Variants in ETV2 observed in about 807,000 individuals in gnomAD.
The protein encoded by ETV2 is ETS translocation variant 2.
A neutral mutation model predicts 35.7 loss-of-function variants in ETV2; 34 were observed. The ratio of observed to expected loss-of-function variants is 0.95; its 90% confidence interval spans 0.72 to 1.27. The LOEUF is 1.27. Ranked by LOEUF, ETV2 falls within the 50% of genes most tolerant of loss-of-function variation. The pLI is 0.00. For missense variants in ETV2, 512 were observed against 470.5 expected, an observed-to-expected ratio of 1.09 and a Z score of -0.82; for synonymous variants, 207 against 203.9, an observed-to-expected ratio of 1.02 and a Z score of -0.13.
chr19:35,642,402 A>C lies in ETV2; in HGVS notation c.-27-32A>C. On this transcript the variant is annotated intron_variant, in intron 1 of 6. Transcript: ENST00000402764. The surrounding 1 kb of genome is among the most constrained non-coding windows in gnomAD (Gnocchi z 4.4). ...CAGGGCCTCCAAGTGTCACCAGCTC[A>C]CCCATTGCCATCTGGACTTTTCCCG... The C allele has an allele frequency of 1.7e-6, 2 of 1,200,138 alleles. No homozygotes were observed. The highest frequency in any genetic ancestry group is 4.7e-5 in the East Asian group (2 of 42,118). 74.3% of individuals were successfully genotyped at this position (1,200,138 alleles called of 1,614,324 possible). A position where few individuals can be genotyped will look rare whatever the true frequency, so the allele number is the denominator to read the frequency against.
In ETV2 at chr19:35,642,875, G is replaced by A. The variant is rs1967640803; in HGVS notation, c.155-90G>A. ...CGGGGTGCTGAAATACGGGCTGGGG[G>A]GCCATAACTCCCAGTCCCTGACAAG... On this transcript the variant is annotated intron_variant, in intron 3 of 6. Transcript: ENST00000402764. The surrounding 1 kb of genome is among the most constrained non-coding windows in gnomAD (Gnocchi z 4.4). 1 of 996,480 alleles carries A rather than the reference G, an allele frequency of 1.0e-6. No homozygotes were observed. Among genetic ancestry groups the A allele is most frequent in the Admixed American group, 2.1e-5 (1 of 46,904 alleles). 61.7% of individuals were successfully genotyped at this position (996,480 alleles called of 1,614,324 possible).
rs1272270387 is a variant in ETV2 at position 35,644,165 on chromosome 19, C to A, written c.716-70C>A. 6 of 1,077,046 alleles carry A rather than the reference C, an allele frequency of 5.6e-6. No individual in the cohort carries two copies. The highest frequency in any genetic ancestry group is 3.1e-5 in the African/African-American group (2 of 64,052). 66.7% of individuals were successfully genotyped at this position (1,077,046 alleles called of 1,614,324 possible). A position where few individuals can be genotyped will look rare whatever the true frequency, so the allele number is the denominator to read the frequency against. ...GGGTCCCGAGTTGGGAGGACCCGGACCTCTAGATCATTGAAGTGGTGTGAT... is the reference window on the plus strand; with the variant it reads ...GGGTCCCGAGTTGGGAGGACCCGGAACTCTAGATCATTGAAGTGGTGTGAT... On this transcript the variant is annotated intron_variant, in intron 5 of 6. Transcript: ENST00000402764. The surrounding 1 kb of genome is among the most constrained non-coding windows in gnomAD (Gnocchi z 4.7).
chr19:35,644,409 C>A lies in ETV2; in HGVS notation c.828+62C>A. ...TCTCTTCTAGTTCAATTTAGCTCCGCCCAAGGGCTAGGTTCAACCGCGTAG... is the reference window on the plus strand; with the variant it reads ...TCTCTTCTAGTTCAATTTAGCTCCGACCAAGGGCTAGGTTCAACCGCGTAG... On this transcript the variant is annotated intron_variant, in intron 6 of 6. Transcript: ENST00000402764. This position sits in a 1 kb window ranked among gnomAD's most constrained non-coding sequence, Gnocchi z 4.7. 8.3e-7 allele frequency: 1 copy of A among 1,201,872 alleles called. No homozygotes were observed. The highest frequency in any genetic ancestry group is 1.2e-6 in the Non-Finnish European group (1 of 836,052). The allele number at this position is 1,201,872 out of a possible 1,614,324, so 74.5% of individuals were successfully genotyped here.
Position 35,642,469 on chromosome 19 carries a change from G to A in ETV2, c.9G>A (p.Leu3=), listed in dbSNP as rs1248224686. MD[L]WNWDEASPQE... is the part of the protein sequence containing the mutation. ...AGGCCTTCATCGCATCCATGGACCTGTGGAACTGGGATGAGGCATCCCCAC... is the reference window on the plus strand; with the variant it reads ...AGGCCTTCATCGCATCCATGGACCTATGGAACTGGGATGAGGCATCCCCAC... Residue 3 remains leucine, a synonymous_variant, in exon 2 of 7, where the codon CTG becomes CTA. Transcript: ENST00000402764. This position sits in a 1 kb window ranked among gnomAD's most constrained non-coding sequence, Gnocchi z 4.4. 1.3e-6 allele frequency: 2 copies of A among 1,599,960 alleles called. No individual in the cohort carries two copies. Among genetic ancestry groups the A allele is most frequent in the Non-Finnish European group, 8.5e-7 (1 of 1,172,546 alleles).
Position 35,643,372 on chromosome 19 carries a change from G to T in ETV2, c.334G>T (p.Ala112Ser), listed in dbSNP as rs780706581. Residue 112 changes from alanine (A) to serine (S), a missense_variant, in exon 5 of 7, where the codon GCC becomes TCC. Physicochemically the swap from Ala to Ser is moderately conservative, Grantham distance 99 (BLOSUM62 1). Coordinates refer to ENST00000402764, the MANE Select transcript of ETV2 (RefSeq NM_014209.4). The surrounding 1 kb of genome is among the most constrained non-coding windows in gnomAD (Gnocchi z 5.0). Reference sequence around the variant, plus strand: ...CGGCGCCTCGCAGACCCTGGGCCCCGCCCCTCTCGGCCCGGGCCCCATCCC... The same window carrying T: ...CGGCGCCTCGCAGACCCTGGGCCCCTCCCCTCTCGGCCCGGGCCCCATCCC... ...WSGASQTLGPAPLGPGPIPAA... is the reference protein window; with the variant it reads ...WSGASQTLGPSPLGPGPIPAA... 1.3e-6 allele frequency: 2 copies of T among 1,562,562 alleles called. No individual in the cohort carries two copies.
chr19:35,643,677 T>C lies in ETV2; in HGVS notation c.639T>C (p.Ala213=). 2 of 1,613,728 alleles carry C rather than the reference T, an allele frequency of 1.2e-6. No individual in the cohort carries two copies. Among genetic ancestry groups the C allele is most frequent in the Non-Finnish European group, 1.7e-6 (2 of 1,179,770 alleles). Residue 213 remains alanine, a synonymous_variant, in exon 5 of 7, where the codon GCT becomes GCC. Transcript: ENST00000402764. The surrounding 1 kb of genome is among the most constrained non-coding windows in gnomAD (Gnocchi z 5.0). ...CTTTGAAGCGGTACCAGAGCTCAGC[T>C]CTCACCGTTTGCTCCGAACCGAGCC... ...TTSLKRYQSS[A]LTVCSEPSPQ...
At position 35,643,043 on chromosome 19, in the gene ETV2, C is replaced by A; in HGVS notation, c.233C>A (p.Ala78Glu). The A allele has an allele frequency of 7.1e-7, 1 of 1,411,524 alleles. No homozygotes were observed. Among genetic ancestry groups the A allele is most frequent in the Non-Finnish European group, 9.7e-7 (1 of 1,034,832 alleles). The allele number at this position is 1,411,524 out of a possible 1,614,324, so 87.4% of individuals were successfully genotyped here. A position where few individuals can be genotyped will look rare whatever the true frequency, so the allele number is the denominator to read the frequency against. The change falls in exon 4 of 7, where the codon GCG (alanine) becomes GAG (glutamate). Residue 78 changes from alanine to glutamate, a missense_variant and splice_region_variant. Coordinates refer to ENST00000402764, the MANE Select transcript of ETV2 (RefSeq NM_014209.4). The surrounding 1 kb of genome is among the most constrained non-coding windows in gnomAD (Gnocchi z 5.0). ...ALLHPEVPWG[A>E]EPDSQALPWS... Reference sequence around the variant, plus strand: ...CTGCACCCAGAAGTTCCATGGGGGGCGGGTGAGTGTGGGGAGAGGCGGTGG... The same window carrying A: ...CTGCACCCAGAAGTTCCATGGGGGGAGGGTGAGTGTGGGGAGAGGCGGTGG...
At position 35,644,619 on chromosome 19, in the gene ETV2, T is replaced by G. The variant is rs762272778; in HGVS notation, c.829-33T>G. On this transcript the variant is annotated intron_variant, in intron 6 of 6. Transcript: ENST00000402764. The surrounding 1 kb of genome is among the most constrained non-coding windows in gnomAD (Gnocchi z 4.7). ...CCCCACTATCGCCAAGCCCCGCCCC[T>G]TCCCACTCCGACCGAGCGGGCCTCT... 6.3e-7 allele frequency: 1 copy of G among 1,586,910 alleles called. No individual in the cohort carries two copies. The highest frequency in any genetic ancestry group is 1.1e-5 in the South Asian group (1 of 87,372).
Position 35,643,469 on chromosome 19 carries a change from G to A in ETV2, c.431G>A (p.Arg144His), listed in dbSNP as rs555472653. 9.5e-5 allele frequency: 147 copies of A among 1,547,720 alleles called. No homozygotes were observed. The highest frequency in any genetic ancestry group is 1.2e-4 in the Non-Finnish European group (139 of 1,145,972). Residue 144 changes from arginine (R) to histidine (H), a missense_variant, in exon 5 of 7, where the codon CGC becomes CAC. Coordinates refer to ENST00000402764, the MANE Select transcript of ETV2 (RefSeq NM_014209.4). The surrounding 1 kb of genome is among the most constrained non-coding windows in gnomAD (Gnocchi z 5.0). Reference sequence around the variant, plus strand: ...GCGGGAGAGGCCACCTCGTGGTCGCGCGCCCAGGCCGCCGGGAGCAACACC... The same window carrying A: ...GCGGGAGAGGCCACCTCGTGGTCGCACGCCCAGGCCGCCGGGAGCAACACC... ...PVAGEATSWS[R>H]AQAAGSNTSW...
Position 35,643,883 on chromosome 19 carries a change from G to A in ETV2, c.715+130G>A, listed in dbSNP as rs1198771427. ...GGGCTTAGGGACCAGGGGCTCGAAGGAGGGGCCGGTGGCCCGCACTCCAGG... is the reference window on the plus strand; with the variant it reads ...GGGCTTAGGGACCAGGGGCTCGAAGAAGGGGCCGGTGGCCCGCACTCCAGG... On this transcript the variant is annotated intron_variant, in intron 5 of 6. Coordinates refer to ENST00000402764, the MANE Select transcript of ETV2 (RefSeq NM_014209.4). This position sits in a 1 kb window ranked among gnomAD's most constrained non-coding sequence, Gnocchi z 5.0. 2.9e-6 allele frequency: 4 copies of A among 1,371,868 alleles called. No individual in the cohort carries two copies. The highest frequency in any genetic ancestry group is 2.3e-5 in the Admixed American group (1 of 43,488). The allele number at this position is 1,371,868 out of a possible 1,614,324, so 85.0% of individuals were successfully genotyped here.
Position 35,644,445 on chromosome 19 carries a change from C to T in ETV2, c.828+98C>T, listed in dbSNP as rs1967711229. On this transcript the variant is annotated intron_variant, in intron 6 of 6. Transcript: ENST00000402764. The surrounding 1 kb of genome is among the most constrained non-coding windows in gnomAD (Gnocchi z 4.7). ...GGTTCAACCGCGTAGCCCTCGGCCC[C>T]GCCGCTCCCCGGCCCACTCGAGGCC... is the stretch of plus-strand genomic sequence containing the variant. The T allele has an allele frequency of 8.3e-6, 8 of 968,090 alleles. No homozygotes were observed. The highest frequency in any genetic ancestry group is 1.2e-5 in the Non-Finnish European group (8 of 642,510). The allele number at this position is 968,090 out of a possible 1,614,324, so 60.0% of individuals were successfully genotyped here. A position where few individuals can be genotyped will look rare whatever the true frequency, so the allele number is the denominator to read the frequency against.
At position 35,644,166 on chromosome 19, in the gene ETV2, C is replaced by A; in HGVS notation, c.716-69C>A. ...GGTCCCGAGTTGGGAGGACCCGGAC[C>A]TCTAGATCATTGAAGTGGTGTGATC... On this transcript the variant is annotated intron_variant, in intron 5 of 6. Coordinates refer to ENST00000402764, the MANE Select transcript of ETV2 (RefSeq NM_014209.4). The surrounding 1 kb of genome is among the most constrained non-coding windows in gnomAD (Gnocchi z 4.7). The A allele has an allele frequency of 9.1e-7, 1 of 1,098,264 alleles. No homozygotes were observed. The highest frequency in any genetic ancestry group is 1.4e-6 in the Non-Finnish European group (1 of 737,618). 68.0% of individuals were successfully genotyped at this position (1,098,264 alleles called of 1,614,324 possible). A position where few individuals can be genotyped will look rare whatever the true frequency, so the allele number is the denominator to read the frequency against.
chr19:35,644,117 G>C lies in ETV2; in HGVS notation c.716-118G>C, dbSNP rs913201068. On this transcript the variant is annotated intron_variant, in intron 5 of 6. Coordinates refer to ENST00000402764, the MANE Select transcript of ETV2 (RefSeq NM_014209.4). The surrounding 1 kb of genome is among the most constrained non-coding windows in gnomAD (Gnocchi z 4.7). ...GACTGTTGGATCTCAGAGAAGGGGG[G>C]GCGGATCCCCTTCTCGGGTCCTGGG... 4 of 736,874 alleles carry C rather than the reference G, an allele frequency of 5.4e-6. No homozygotes were observed. Among genetic ancestry groups the C allele is most frequent in the South Asian group, 3.0e-5 (2 of 66,836 alleles). The allele number at this position is 736,874 out of a possible 1,614,324, so 45.6% of individuals were successfully genotyped here.
rs751732564 is a variant in ETV2 at position 35,643,510 on chromosome 19, G to A, written c.472G>A (p.Val158Met). The A allele has an allele frequency of 3.7e-5, 58 of 1,549,896 alleles. No individual in the cohort carries two copies. The highest frequency in any genetic ancestry group is 3.3e-4 in the Middle Eastern group (2 of 6,010). Residue 158 changes from valine to methionine, a missense_variant, in exon 5 of 7, where the codon GTG (valine) becomes ATG (methionine). Coordinates refer to ENST00000402764, the MANE Select transcript of ETV2 (RefSeq NM_014209.4). This position sits in a 1 kb window ranked among gnomAD's most constrained non-coding sequence, Gnocchi z 5.0. ...GAGCAACACCAGCTGGGACTGTTCT[G>A]TGGGGCCCGACGGCGATACCTACTG... is the stretch of plus-strand genomic sequence containing the variant. The part of the protein sequence containing the change: ...AGSNTSWDCS[V>M]GPDGDTYWGS...
In ETV2 at chr19:35,642,467, C is replaced by G. The variant is rs1568338076; in HGVS notation, c.7C>G (p.Leu3Val). The change falls in exon 2 of 7, where the codon CTG (leucine) becomes GTG (valine). Residue 3 changes from leucine to valine, a missense_variant. Coordinates refer to ENST00000402764, the MANE Select transcript of ETV2 (RefSeq NM_014209.4). The surrounding 1 kb of genome is among the most constrained non-coding windows in gnomAD (Gnocchi z 4.4). ...GAAGGCCTTCATCGCATCCATGGAC[C>G]TGTGGAACTGGGATGAGGCATCCCC... MD[L>V]WNWDEASPQE... The G allele has an allele frequency of 6.3e-7, 1 of 1,597,768 alleles. No individual in the cohort carries two copies. The highest frequency in any genetic ancestry group is 8.5e-7 in the Non-Finnish European group (1 of 1,171,086).
At position 35,642,570 on chromosome 19, in the gene ETV2, G is replaced by C; in HGVS notation, c.70+40G>C. 1 of 1,613,410 alleles carries C rather than the reference G, an allele frequency of 6.2e-7. No individual in the cohort carries two copies. Among genetic ancestry groups the C allele is most frequent in the Non-Finnish European group, 8.5e-7 (1 of 1,179,638 alleles). On this transcript the variant is annotated intron_variant, in intron 2 of 6. Transcript: ENST00000402764. The surrounding 1 kb of genome is among the most constrained non-coding windows in gnomAD (Gnocchi z 4.4). ...CTGCCACAACGTGTGTGGGGAGGGT[G>C]TCCAGGTGGGGCCTCTGCTGACCCT...
Position 35,644,838 on chromosome 19 carries a change from G to A in ETV2, c.1015G>A (p.Ala339Thr), listed in dbSNP as rs769297133. The A allele has an allele frequency of 6.2e-7, 1 of 1,604,126 alleles. No homozygotes were observed. The highest frequency in any genetic ancestry group is 1.1e-5 in the South Asian group (1 of 89,522). Residue 339 changes from alanine (A) to threonine (T), a missense_variant, in exon 7 of 7, where the codon GCA becomes ACA. By Grantham distance (58) the Ala-to-Thr change is moderately conservative. Transcript: ENST00000402764. This position sits in a 1 kb window ranked among gnomAD's most constrained non-coding sequence, Gnocchi z 4.7. ...YPDCAGGGRG[A>T]ETQ ...GGACTGTGCGGGAGGCGGACGGGGA[G>A]CAGAGACACAATAAAAATTCCCGGT...
rs1967634463 is a variant in ETV2, at chr19:35,642,692, T to A, written c.148T>A (p.Trp50Arg). ...GCCGACAGCGACAGCAGAGACATGCTGGAAAGGTGGCTGCGGGCTGGGACC... is the reference window on the plus strand; with the variant it reads ...GCCGACAGCGACAGCAGAGACATGCAGGAAAGGTGGCTGCGGGCTGGGACC... The part of the protein sequence containing the change: ...DTPTATAETC[W>R]KGTSSSLASF... Residue 50 changes from tryptophan to arginine, a missense_variant, in exon 3 of 7, where the codon TGG (tryptophan) becomes AGG (arginine). Trp to Arg is a moderately radical substitution (Grantham distance 101, BLOSUM62 -3). Coordinates refer to ENST00000402764, the MANE Select transcript of ETV2 (RefSeq NM_014209.4). The surrounding 1 kb of genome is among the most constrained non-coding windows in gnomAD (Gnocchi z 4.4). 1.3e-6 allele frequency: 2 copies of A among 1,594,834 alleles called. No individual in the cohort carries two copies.
rs1182514472 is a variant in ETV2 at position 35,643,903 on chromosome 19, T to C, written c.715+150T>C. The C allele has an allele frequency of 6.1e-6, 7 of 1,155,230 alleles. No homozygotes were observed. Among genetic ancestry groups the C allele is most frequent in the African/African-American group, 4.7e-5 (3 of 64,204 alleles). The allele number at this position is 1,155,230 out of a possible 1,614,324, so 71.6% of individuals were successfully genotyped here. On this transcript the variant is annotated intron_variant, in intron 5 of 6. Transcript: ENST00000402764. This position sits in a 1 kb window ranked among gnomAD's most constrained non-coding sequence, Gnocchi z 5.0. The stretch of plus-strand genomic sequence containing the variant: ...CGAAGGAGGGGCCGGTGGCCCGCAC[T>C]CCAGGTCCTTGGGGAGGAGAGGGCT...
Sources: allele counts gnomAD v4.1 joint callset, GRCh38; gene constraint gnomAD v4.1.1; non-coding constraint Gnocchi (gnomAD v3.1); transcripts MANE v1.5; gene names NCBI Gene and HGNC (gene_info 2026-07-23, HGNC 2026-07-21).